NXPH1: variants seen among roughly 807,000 people sequenced by gnomAD.
The protein encoded by NXPH1 is neurexophilin 1, also known as neurexophilin-1.
In NXPH1, 5 loss-of-function variants were observed where a neutral mutation model predicts 23.7. The observed-to-expected ratio is 0.21, with a 90% CI of 0.11 to 0.44. The LOEUF (loss-of-function observed/expected upper bound fraction) is 0.44, where lower values mean the gene tolerates loss of function less well. Ranked by LOEUF, NXPH1 falls within the 20% of genes least tolerant of loss-of-function variation. The pLI, the probability that NXPH1 is intolerant of heterozygous loss-of-function variation, is 0.99. For missense variants in NXPH1, 324 were observed against 321.6 expected (o/e 1.01, Z -0.06); for synonymous variants, 144 against 122.2 (o/e 1.18, Z -1.18).
At chr7:8,636,254 T>C (rs1014354855) in intron 2 of NXPH1, among the ~76,000 whole-genome samples, 1 of 152,200 alleles carries the variant, frequency 6.6e-6, no homozygotes, top group Non-Finnish European at 1.5e-5. Flanking sequence ...TCCCTGTGTT[T>C]GTCTCTGTGT....
rs758616727 is a variant in NXPH1, at chr7:8,752,868, A to T, written c.*1099A>T. The T allele has an allele frequency of 6.6e-6, 1 of 152,600 alleles. No homozygotes were observed. The highest frequency in any genetic ancestry group is 1.5e-5 in the Non-Finnish European group (1 of 68,028). 9.5% of individuals were successfully genotyped at this position (152,600 alleles called of 1,614,324 possible). ...GATCAAGTATTGTTGAAAGCTATAC[A>T]TATACAACATTACAGTCTGTCTGTA... On this transcript the variant is annotated 3_prime_UTR_variant, in exon 3 of 3. Coordinates refer to ENST00000405863, the MANE Select transcript of NXPH1 (RefSeq NM_152745.3).
intron 2 of NXPH1, among the ~76,000 whole-genome samples, chr7:8,447,260 C>T (rs1024562761): frequency 2.0e-5 from 3 of 152,044 alleles, no homozygotes; most frequent in African/African-American, 2.4e-5. Context: ...TATTTTTTTC[C>T]AGTTATTTGT....
At chr7:8,696,231 G>T (rs1779500014) in intron 2 of NXPH1, among the ~76,000 whole-genome samples, 1 of 152,128 alleles carries the variant, frequency 6.6e-6, no homozygotes, top group Non-Finnish European at 1.5e-5. Flanking sequence ...TGAAGCTAAA[G>T]AATTTTCTCC....
At chr7:8,625,669 G>T (rs1819972159) in intron 2 of NXPH1, among the ~76,000 whole-genome samples, 1 of 152,056 alleles carries the variant, frequency 6.6e-6, no homozygotes, top group South Asian at 2.1e-4. Context: ...ACTTTTACCA[G>T]AGGTTTGTTC....
intron 2 of NXPH1, among the ~76,000 whole-genome samples, chr7:8,589,331 T>A (rs976998114): frequency 1.3e-5 from 2 of 152,084 alleles, no homozygotes; most frequent in African/African-American, 4.8e-5. Context: ...GGTATAAGAT[T>A]TTTGAGCAAG....
At chr7:8,715,842 A>G (rs556681590) in intron 2 of NXPH1, among the ~76,000 whole-genome samples, 48 of 152,272 alleles carry the variant, frequency 3.2e-4, no homozygotes, top group African/African-American at 1.1e-3. Context: ...CCAAATTAAG[A>G]GCATTATAAG....
In NXPH1 at chr7:8,735,947, T is replaced by C. The variant is rs144879924; in HGVS notation, c.55-15061T>C. Among the ~76,000 whole-genome samples, 82 of 152,322 alleles carry C rather than the reference T, an allele frequency of 5.4e-4. No homozygotes were observed. In the East Asian group the frequency reaches 0.013, roughly 24 times the overall value. On this transcript the variant is annotated intron_variant, in intron 2 of 2. Coordinates refer to ENST00000405863, the MANE Select transcript of NXPH1 (RefSeq NM_152745.3). The stretch of plus-strand genomic sequence containing the variant: ...TAGAGTTGTTTATAGTATTCTCTAA[T>C]AGTAGTTTGTATTTCTATGGGATCA...
chr7:8,460,943 A>T (rs2128606797), intron 2 of NXPH1, among the ~76,000 whole-genome samples: 1 of 152,340 alleles, frequency 6.6e-6, no homozygotes. Context: ...GGGCCTCATC[A>T]CATTTCCTCA....
chr7:8,488,076 T>C (rs1350741948), intron 2 of NXPH1, among the ~76,000 whole-genome samples: 2 of 152,154 alleles, frequency 1.3e-5, no homozygotes, highest in Non-Finnish European at 2.9e-5. Flanking sequence ...TCTTTACTCA[T>C]TATTTTGTCT....
chr7:8,459,681 G>A (rs78751688), intron 2 of NXPH1, among the ~76,000 whole-genome samples: 3,939 of 152,194 alleles, frequency 0.026, 80 homozygotes, highest in South Asian at 0.042. Context: ...AAGAGACTGA[G>A]GTTGGGGCAG....
chr7:8,737,216 T>C (rs1461935403), intron 2 of NXPH1, among the ~76,000 whole-genome samples: 2 of 152,202 alleles, frequency 1.3e-5, no homozygotes, highest in Non-Finnish European at 2.9e-5. Context: ...ATGCAGTTTC[T>C]TCATAGTGTT....
chr7:8,684,526 C>A (rs774409955), intron 2 of NXPH1, among the ~76,000 whole-genome samples: 1 of 152,152 alleles, frequency 6.6e-6, no homozygotes, highest in Non-Finnish European at 1.5e-5. Flanking sequence ...AGAAAATGCA[C>A]GTCTCCTGAT....
intron 2 of NXPH1, among the ~76,000 whole-genome samples, chr7:8,589,355 G>A (rs1255077466): frequency 6.6e-6 from 1 of 152,088 alleles, no homozygotes; most frequent in Non-Finnish European, 1.5e-5. Context: ...TCTGAAAATT[G>A]TAGTTTTTGA....
intron 2 of NXPH1, among the ~76,000 whole-genome samples, chr7:8,472,291 A>T (rs1411855241): frequency 3.3e-5 from 5 of 152,208 alleles, no homozygotes. Flanking sequence ...AGAGACTGCA[A>T]TAAATGATCT....
At chr7:8,628,514 T>C (rs1032017001) in intron 2 of NXPH1, among the ~76,000 whole-genome samples, 1 of 151,732 alleles carries the variant, frequency 6.6e-6, no homozygotes, top group African/African-American at 2.4e-5. Flanking sequence ...TTTCTGGTGA[T>C]AGGATAAGAA....
intron 2 of NXPH1, among the ~76,000 whole-genome samples, chr7:8,694,205 C>T (rs565494187): frequency 2.6e-4 from 39 of 152,106 alleles, no homozygotes; most frequent in Non-Finnish European, 5.3e-4. Flanking sequence ...TGAAAGTGCT[C>T]ATGATGTTAG....
At chr7:8,587,401 C>G (rs1819001078) in intron 2 of NXPH1, among the ~76,000 whole-genome samples, 1 of 151,980 alleles carries the variant, frequency 6.6e-6, no homozygotes, top group African/African-American at 2.4e-5. Flanking sequence ...TAGGCACCAA[C>G]TTTTGAGCTC....
chr7:8,489,487 C>A (rs2128610938), intron 2 of NXPH1, among the ~76,000 whole-genome samples: 1 of 152,070 alleles, frequency 6.6e-6, no homozygotes, highest in East Asian at 1.9e-4. Context: ...TTTAGTGTCA[C>A]CAACTCCACT....
chr7:8,690,022 T>A (rs1270289247), intron 2 of NXPH1, among the ~76,000 whole-genome samples: 1 of 152,220 alleles, frequency 6.6e-6, no homozygotes, highest in Non-Finnish European at 1.5e-5. Flanking sequence ...CCTTTCCTTT[T>A]TTAACCACTT....
Sources: gnomAD v4.1 joint callset for allele counts (sites outside exome capture counted in the v4.1 genomes callset) on GRCh38, gnomAD v4.1.1 for gene constraint, MANE v1.5 for transcripts, NCBI Gene and HGNC (gene_info 2026-07-23, HGNC 2026-07-21) for gene names.